CADM2: variants seen among roughly 807,000 people sequenced by gnomAD.
CADM2 encodes cell adhesion molecule 2, also known as immunoglobulin superfamily member 4D.
In CADM2, 12 loss-of-function variants were observed where a neutral mutation model predicts 49.8. The ratio of observed to expected loss-of-function variants is 0.24; its 90% CI spans 0.15 to 0.39. The LOEUF (loss-of-function observed/expected upper bound fraction) is 0.39. CADM2 is among the 10% of genes least tolerant of loss of function. The probability of loss-of-function intolerance (pLI) is 1.00; values close to 1 mark genes in which losing one functional copy is unlikely to be tolerated. For synonymous variants in CADM2, 214 were observed against 175.4 expected (o/e 1.22, Z -1.74); for missense variants, 378 against 492.3 (o/e 0.77, Z 2.20).
intron 1 of CADM2, among the ~76,000 whole-genome samples, chr3:85,422,364 A>G (rs1004596121): frequency 2.6e-5 from 4 of 151,978 alleles, no homozygotes; most frequent in African/African-American, 9.6e-5. Context: ...TGCAAGCTCC[A>G]CTTCCCGGGT....
chr3:85,910,233 T>G (rs1717402136), intron 5 of CADM2, among the ~76,000 whole-genome samples: 2 of 152,150 alleles, frequency 1.3e-5, no homozygotes, highest in Admixed American at 1.3e-4. Flanking sequence ...TCTCATATGT[T>G]GTGTAGCACA....
At chr3:85,804,911 C>T (rs558886003) in intron 3 of CADM2, among the ~76,000 whole-genome samples, 1 of 152,218 alleles carries the variant, frequency 6.6e-6, no homozygotes, top group Admixed American at 6.5e-5. Context: ...ATAATAAATA[C>T]ACCAGTTCTA....
At chr3:85,286,775 T>C (rs1472495393) in intron 1 of CADM2, among the ~76,000 whole-genome samples, 1 of 152,164 alleles carries the variant, frequency 6.6e-6, no homozygotes, top group Non-Finnish European at 1.5e-5. Context: ...GCATCCTATT[T>C]TTTGGGTACA....
chr3:85,355,993 A>T (rs1439781224), intron 1 of CADM2, among the ~76,000 whole-genome samples: 1 of 152,142 alleles, frequency 6.6e-6, no homozygotes, highest in Non-Finnish European at 1.5e-5. Context: ...GTGATCCACC[A>T]AATAAGCCAT....
At chr3:85,754,802 C>A (rs1482050191) in intron 2 of CADM2, among the ~76,000 whole-genome samples, 1 of 151,936 alleles carries the variant, frequency 6.6e-6, no homozygotes, top group African/African-American at 2.4e-5. Context: ...TAAAAAGAAA[C>A]TAACATTTTA....
chr3:85,413,779 T>A (rs1261149131), intron 1 of CADM2, among the ~76,000 whole-genome samples: 1 of 152,162 alleles, frequency 6.6e-6, no homozygotes, highest in African/African-American at 2.4e-5. Context: ...TAAATTTGGG[T>A]GGGGACACAG....
At chr3:85,812,012 G>T (rs890333297) in intron 3 of CADM2, among the ~76,000 whole-genome samples, 1 of 152,080 alleles carries the variant, frequency 6.6e-6, no homozygotes, top group Non-Finnish European at 1.5e-5. Context: ...CAGTTCAACT[G>T]TATGGATATC....
At chr3:85,427,184 A>AT (rs1417031303) in intron 1 of CADM2, among the ~76,000 whole-genome samples, 15 of 126,404 alleles carry the variant, frequency 1.2e-4, no homozygotes, top group African/African-American at 3.8e-4. Flanking sequence ...ATATATATAT[A>AT]TATATATATA....
intron 1 of CADM2, among the ~76,000 whole-genome samples, chr3:85,367,191 C>A (rs972495144): frequency 6.6e-6 from 1 of 151,880 alleles, no homozygotes; most frequent in South Asian, 2.1e-4. Flanking sequence ...TTTGAAAAAC[C>A]ATTAATATAA....
chr3:86,008,759 A>C, intron 8 of CADM2, among the ~76,000 whole-genome samples: 1 of 151,970 alleles, frequency 6.6e-6, no homozygotes, highest in East Asian at 1.9e-4. Flanking sequence ...AATTTTTTAT[A>C]ATTTCATTAA....
chr3:85,942,128 T>C (rs1721990409), intron 7 of CADM2, among the ~76,000 whole-genome samples: 1 of 152,018 alleles, frequency 6.6e-6, no homozygotes, highest in Admixed American at 6.6e-5. Flanking sequence ...TTTTTAGCAT[T>C]GATGTTTTTC....
intron 1 of CADM2, among the ~76,000 whole-genome samples, chr3:85,151,853 C>T (rs1406287758): frequency 6.6e-6 from 1 of 152,132 alleles, no homozygotes; most frequent in African/African-American, 2.4e-5. Context: ...GGTAGATTGA[C>T]TTGAACAAAT....
intron 3 of CADM2, among the ~76,000 whole-genome samples, chr3:85,864,359 G>T (rs2075647706): frequency 6.6e-6 from 1 of 152,040 alleles, no homozygotes; most frequent in Non-Finnish European, 1.5e-5. Context: ...TAAATATTTT[G>T]ATTAGTATTC....
chr3:85,142,160 A>G (rs537199249), intron 1 of CADM2, among the ~76,000 whole-genome samples: 1 of 152,322 alleles, frequency 6.6e-6, no homozygotes, highest in Admixed American at 6.5e-5. Context: ...CAACTTCTGC[A>G]ACAACATAAA....
intron 1 of CADM2, among the ~76,000 whole-genome samples, chr3:85,016,854 A>G (rs561481690): frequency 1.3e-5 from 2 of 152,268 alleles, no homozygotes; most frequent in South Asian, 4.1e-4. Context: ...ACTACAGCCA[A>G]AGACCACAAT....
At chr3:86,003,997 C>G (rs753972645) in intron 8 of CADM2, among the ~76,000 whole-genome samples, 4 of 151,868 alleles carry the variant, frequency 2.6e-5, no homozygotes, top group African/African-American at 4.8e-5. Flanking sequence ...GCCAATGGCT[C>G]CAAATAAAGT....
chr3:85,698,685 T>C (rs757211712), intron 1 of CADM2, among the ~76,000 whole-genome samples: 1 of 152,168 alleles, frequency 6.6e-6, no homozygotes, highest in Non-Finnish European at 1.5e-5. Flanking sequence ...GCTAAACCAT[T>C]AGAAACTGCT....
chr3:85,560,137 G>T (rs952403282), intron 1 of CADM2, among the ~76,000 whole-genome samples: 1 of 152,138 alleles, frequency 6.6e-6, no homozygotes, highest in African/African-American at 2.4e-5. Context: ...GTATGCCTGA[G>T]AATGTCTTCA....
At chr3:85,114,690 T>C (rs1218750493) in intron 1 of CADM2, among the ~76,000 whole-genome samples, 1 of 152,232 alleles carries the variant, frequency 6.6e-6, no homozygotes, top group Non-Finnish European at 1.5e-5. Context: ...TTTAAATATC[T>C]ACTCTCACAC....
Sources: gnomAD v4.1 joint callset for allele counts (sites outside exome capture counted in the v4.1 genomes callset) on GRCh38, gnomAD v4.1.1 for gene constraint, MANE v1.5 for transcripts, NCBI Gene and HGNC (gene_info 2026-07-23, HGNC 2026-07-21) for gene names.